Variants in PTPRM observed in about 807,000 individuals in gnomAD.
PTPRM encodes protein tyrosine phosphatase receptor type M, also known as receptor-type tyrosine-protein phosphatase mu.
In PTPRM, 47 loss-of-function variants were observed where a neutral mutation model predicts 186.7. The observed-to-expected ratio is 0.25, with a 90% CI of 0.20 to 0.32. PTPRM has a LOEUF of 0.32. Ranked by LOEUF, PTPRM falls within the 10% of genes least tolerant of loss-of-function variation. PTPRM has a pLI of 1.00. For missense variants in PTPRM, 1,494 were observed against 1,865.0 expected (o/e 0.80, Z 3.66); for synonymous variants, 668 against 674.9 (o/e 0.99, Z 0.16).
intron 19 of PTPRM, among the ~76,000 whole-genome samples, chr18:8,292,943 G>A (rs994212576): frequency 1.3e-5 from 2 of 152,170 alleles, no homozygotes; most frequent in East Asian, 3.9e-4. Context: ...TAGAGAAAAA[G>A]CAGTGGATAA....
chr18:7,693,935 T>C (rs2144662805), intron 1 of PTPRM, among the ~76,000 whole-genome samples: 1 of 152,218 alleles, frequency 6.6e-6, no homozygotes, highest in Middle Eastern at 3.4e-3. Flanking sequence ...GGAACAGTAG[T>C]GTGAATGAAT....
chr18:8,212,756 A>G (rs1170137951), intron 14 of PTPRM, among the ~76,000 whole-genome samples: 1 of 152,190 alleles, frequency 6.6e-6, no homozygotes, highest in African/African-American at 2.4e-5. Flanking sequence ...TCAGTGAGCT[A>G]TGACTGACCT....
At chr18:7,813,591 G>A (rs2044646133) in intron 2 of PTPRM, among the ~76,000 whole-genome samples, 1 of 152,044 alleles carries the variant, frequency 6.6e-6, no homozygotes, top group South Asian at 2.1e-4. Flanking sequence ...GGACCGAGAG[G>A]ATATGTGCCT....
intron 1 of PTPRM, among the ~76,000 whole-genome samples, chr18:7,756,733 G>C (rs2144693633): frequency 6.6e-6 from 1 of 152,288 alleles, no homozygotes; most frequent in East Asian, 1.9e-4. Context: ...CTTAGGGGTT[G>C]GGAAACCAGT....
chr18:7,686,295 C>T (rs2039600785), intron 1 of PTPRM, among the ~76,000 whole-genome samples: 1 of 152,090 alleles, frequency 6.6e-6, no homozygotes, highest in Non-Finnish European at 1.5e-5. Flanking sequence ...AAAGCAAAAA[C>T]CTGATGTTTA....
intron 21 of PTPRM, among the ~76,000 whole-genome samples, chr18:8,318,388 C>G (rs2095324694): frequency 7.0e-6 from 1 of 143,212 alleles, no homozygotes; most frequent in East Asian, 2.2e-4. Context: ...CCTGGAACCC[C>G]TGGGCTTATG....
intron 19 of PTPRM, among the ~76,000 whole-genome samples, chr18:8,295,655 A>G (rs1601681964): frequency 6.6e-6 from 1 of 152,368 alleles, no homozygotes; most frequent in East Asian, 1.9e-4. Flanking sequence ...CTCCTCACAT[A>G]GTTGACCACA....
At chr18:7,683,869 G>T (rs1003904534) in intron 1 of PTPRM, among the ~76,000 whole-genome samples, 4 of 152,112 alleles carry the variant, frequency 2.6e-5, no homozygotes, top group African/African-American at 4.8e-5. Context: ...GCACCCCCAG[G>T]CTCATTCAGG....
chr18:8,258,916 A>G (rs1326019626), intron 19 of PTPRM, among the ~76,000 whole-genome samples: 26 of 152,006 alleles, frequency 1.7e-4, no homozygotes, highest in Non-Finnish European at 7.4e-5. Context: ...TATATTAAGA[A>G]AAGCATTATC....
At chr18:7,815,921 A>G (rs1465283237) in intron 2 of PTPRM, among the ~76,000 whole-genome samples, 2 of 152,216 alleles carry the variant, frequency 1.3e-5, no homozygotes, top group Non-Finnish European at 2.9e-5. Context: ...AGTGAACACA[A>G]GATCCACATT....
chr18:8,386,830 G>T (rs564447781), intron 30 of PTPRM, among the ~76,000 whole-genome samples: 16 of 152,278 alleles, frequency 1.1e-4, no homozygotes, highest in African/African-American at 2.9e-4. Context: ...TGCAGAATGG[G>T]AAGCATTCTG....
chr18:7,887,781 T>A (rs1276044950), intron 2 of PTPRM, among the ~76,000 whole-genome samples: 2 of 152,222 alleles, frequency 1.3e-5, no homozygotes, highest in African/African-American at 4.8e-5. Context: ...TTTTAATTTT[T>A]ATTTTAAATA....
chr18:8,045,084 C>T (rs992050444), intron 7 of PTPRM, among the ~76,000 whole-genome samples: 143 of 152,134 alleles, frequency 9.4e-4, no homozygotes, highest in African/African-American at 3.4e-3. Flanking sequence ...TGGTGGCTCA[C>T]GCCTGTCATA....
chr18:8,239,357 G>C (rs2094390256), intron 14 of PTPRM, among the ~76,000 whole-genome samples: 1 of 152,056 alleles, frequency 6.6e-6, no homozygotes, highest in Non-Finnish European at 1.5e-5. Flanking sequence ...CAAACCTGCT[G>C]ACTGCTGATG....
At chr18:8,297,264 A>C (rs2095107533) in intron 20 of PTPRM, among the ~76,000 whole-genome samples, 2 of 152,260 alleles carry the variant, frequency 1.3e-5, no homozygotes, top group Admixed American at 1.3e-4. Context: ...AATGCAGATT[A>C]GGCCAAGAGA....
intron 11 of PTPRM, among the ~76,000 whole-genome samples, chr18:8,109,118 G>A (rs972725918): frequency 8.5e-5 from 13 of 152,204 alleles, no homozygotes; most frequent in African/African-American, 3.1e-4. Flanking sequence ...AAACTCATTA[G>A]TGAAGTGATG....
At position 7,923,870 on chromosome 18, in the gene PTPRM, T is replaced by G. The variant is rs141541733; in HGVS notation, c.548-2698T>G. Among the ~76,000 whole-genome samples, 239 of 152,334 alleles carry G rather than the reference T, an allele frequency of 1.6e-3. 5 individuals carry two copies. In the East Asian group the frequency reaches 0.032, roughly 21 times the overall value. ...ACTTTAAAATAATCTGTATACCAAC[T>G]CTGGGGATCTGAATGGGTCCCCGTA... On this transcript the variant is annotated intron_variant, in intron 4 of 32. Transcript: ENST00000580170.
intron 4 of PTPRM, 120 bp downstream of exon 4, chr18:7,906,703 G>A (rs939658650): frequency 2.6e-6 from 2 of 777,400 alleles, no homozygotes; most frequent in African/African-American, 3.5e-5. Context: ...TTCCCTGACA[G>A]GCCTGTATTG....
intron 29 of PTPRM, among the ~76,000 whole-genome samples, chr18:8,380,691 C>G (rs1158108508): frequency 6.6e-6 from 1 of 152,130 alleles, no homozygotes; most frequent in African/African-American, 2.4e-5. Flanking sequence ...TGAGCTGTTC[C>G]TAAAAGATGG....
Sources: allele counts gnomAD v4.1 joint callset (sites outside exome capture counted in the v4.1 genomes callset), GRCh38; gene constraint gnomAD v4.1.1; transcripts MANE v1.5; gene names NCBI Gene and HGNC (gene_info 2026-07-23, HGNC 2026-07-21).